ATP8A2: variants seen among roughly 807,000 people sequenced by gnomAD.
ATP8A2 encodes phospholipid-transporting ATPase IB.
ATP8A2 carries 100 observed loss-of-function variants against 165.6 expected under a neutral mutation model. The ratio of observed to expected loss-of-function variants is 0.60; its 90% CI spans 0.51 to 0.71. ATP8A2 has a LOEUF of 0.71. Ranked by LOEUF, ATP8A2 falls within the 30% of genes least tolerant of loss-of-function variation. The pLI, the probability that ATP8A2 is intolerant of heterozygous loss-of-function variation, is 0.00. For missense variants in ATP8A2, 1,227 were observed against 1,479.5 expected (o/e 0.83, Z 2.80); for synonymous variants, 543 against 548.8 (o/e 0.99, Z 0.15).
chr13:25,628,422 C>T lies in ATP8A2; in HGVS notation c.2211+38723C>T, dbSNP rs139098044. 2.9e-4 allele frequency among the ~76,000 whole-genome samples: 44 copies of T among 152,308 alleles called. No individual in the cohort carries two copies. The East Asian group carries it at 6.0e-3, about 21-fold the overall frequency. ...TGAGCTTCTCTTTCTGTAGTCCACA[C>T]CTGTAAATGCACTTACGTTTTCATA... On this transcript the variant is annotated intron_variant, in intron 24 of 36. Coordinates refer to ENST00000381655, the MANE Select transcript of ATP8A2 (RefSeq NM_016529.6).
intron 33 of ATP8A2, among the ~76,000 whole-genome samples, chr13:25,930,451 C>T (rs1954739607): frequency 6.8e-6 from 1 of 146,098 alleles, no homozygotes; most frequent in African/African-American, 2.5e-5. Flanking sequence ...CCTCTGTGTG[C>T]AGCTCCCCAA....
At chr13:25,656,448 G>C (rs1349503021) in intron 24 of ATP8A2, among the ~76,000 whole-genome samples, 1 of 151,736 alleles carries the variant, frequency 6.6e-6, no homozygotes, top group African/African-American at 2.4e-5. Context: ...GCTAATTTTT[G>C]TATTTTTAAT....
At chr13:25,699,113 A>G (rs2042895528) in intron 24 of ATP8A2, 60 bp from the exon 25 acceptor site, 4 of 1,308,742 alleles carry the variant, frequency 3.1e-6, no homozygotes, top group Non-Finnish European at 4.1e-6. Flanking sequence ...TTTGAATTCT[A>G]TTTTGTTTTT....
chr13:25,530,713 T>C, intron 4 of ATP8A2, 53 bp downstream of exon 4: 1 of 1,100,774 alleles, frequency 9.1e-7, no homozygotes, highest in African/African-American at 1.6e-5. Flanking sequence ...GATAATAACT[T>C]ATGTGTTGCC....
chr13:25,409,402 A>G (rs2033901994), intron 1 of ATP8A2, among the ~76,000 whole-genome samples: 1 of 152,250 alleles, frequency 6.6e-6, no homozygotes. Context: ...CTAAGATGTA[A>G]TATTCCAAAT....
intron 16 of ATP8A2, among the ~76,000 whole-genome samples, chr13:25,564,339 C>T (rs1321788451): frequency 6.6e-6 from 1 of 152,184 alleles, no homozygotes; most frequent in African/African-American, 2.4e-5. Flanking sequence ...ACTATTTTGT[C>T]ACAGTTGTGA....
At chr13:25,500,111 G>T (rs1156610178) in intron 2 of ATP8A2, among the ~76,000 whole-genome samples, 1 of 152,104 alleles carries the variant, frequency 6.6e-6, no homozygotes, top group Non-Finnish European at 1.5e-5. Context: ...AGTTATCAAA[G>T]TGCCCTCCAT....
At position 25,837,226 on chromosome 13, in the gene ATP8A2, A is replaced by G. The variant is rs371095109; in HGVS notation, c.2818A>G (p.Met940Val). ...IFERSCTQES[M>V]LRFPQLYKIT... The stretch of plus-strand genomic sequence containing the variant: ...TGAGAGGTCTTGCACTCAGGAGAGC[A>G]TGCTCAGGTTTCCCCAGCTCTACAA... The change falls in exon 29 of 37, where the codon ATG becomes GTG. Residue 940 changes from methionine (M) to valine (V), a missense_variant. Transcript: ENST00000381655. The G allele has an allele frequency of 4.0e-5, 65 of 1,613,992 alleles. No homozygotes were observed. The highest frequency in any genetic ancestry group is 5.3e-5 in the Non-Finnish European group (62 of 1,179,992).
At chr13:25,500,834 C>G (rs1389781903) in intron 2 of ATP8A2, among the ~76,000 whole-genome samples, 1 of 152,160 alleles carries the variant, frequency 6.6e-6, no homozygotes, top group Non-Finnish European at 1.5e-5. Context: ...GCCCTAGCCT[C>G]TCAAAGTGCT....
chr13:25,724,937 T>C (rs546664975), intron 25 of ATP8A2, among the ~76,000 whole-genome samples: 23 of 152,286 alleles, frequency 1.5e-4, no homozygotes, highest in African/African-American at 5.5e-4. Flanking sequence ...AAAAGAGTTA[T>C]CAGAGTAAAC....
chr13:25,868,962 G>T (rs532722018), intron 33 of ATP8A2, among the ~76,000 whole-genome samples: 1 of 151,150 alleles, frequency 6.6e-6, no homozygotes, highest in Admixed American at 6.6e-5. Flanking sequence ...CCAGCTACTC[G>T]GAAGGCTGAG....
chr13:25,868,554 A>G (rs780147355), intron 33 of ATP8A2, among the ~76,000 whole-genome samples: 1 of 151,922 alleles, frequency 6.6e-6, no homozygotes, highest in Non-Finnish European at 1.5e-5. Context: ...TGGCTTTTCA[A>G]CTCATACATT....
intron 24 of ATP8A2, among the ~76,000 whole-genome samples, chr13:25,623,834 A>G (rs1182873665): frequency 6.6e-6 from 1 of 152,080 alleles, no homozygotes; most frequent in East Asian, 1.9e-4. Flanking sequence ...TAAATTATGC[A>G]TAGATTATAA....
chr13:25,949,006 G>T (rs1200260245), intron 33 of ATP8A2, among the ~76,000 whole-genome samples: 2 of 152,184 alleles, frequency 1.3e-5, no homozygotes, highest in Non-Finnish European at 2.9e-5. Context: ...CCTTTCAGAG[G>T]CCCTTCCTCA....
At chr13:25,637,981 A>G (rs2041415602) in intron 24 of ATP8A2, among the ~76,000 whole-genome samples, 2 of 152,196 alleles carry the variant, frequency 1.3e-5, no homozygotes, top group Admixed American at 6.5e-5. Context: ...TCTGCTGCCA[A>G]TACCCAGGCA....
At chr13:25,747,506 T>G (rs2044058945) in intron 25 of ATP8A2, among the ~76,000 whole-genome samples, 1 of 152,190 alleles carries the variant, frequency 6.6e-6, no homozygotes, top group Non-Finnish European at 1.5e-5. Context: ...TCCACATACC[T>G]GATAACTCTT....
intron 27 of ATP8A2, among the ~76,000 whole-genome samples, chr13:25,802,276 C>A (rs1283125493): frequency 6.6e-6 from 1 of 152,074 alleles, no homozygotes; most frequent in Non-Finnish European, 1.5e-5. Context: ...GTGATTGAGG[C>A]TCAGTTTCTA....
chr13:25,717,282 A>G (rs3132350), intron 25 of ATP8A2, among the ~76,000 whole-genome samples: 36,797 of 151,996 alleles, frequency 0.24, 6,693 homozygotes, highest in African/African-American at 0.51. Context: ...AGGTAATAGT[A>G]AGGAAGAAGG....
chr13:25,651,163 G>A (rs905995642), intron 24 of ATP8A2, among the ~76,000 whole-genome samples: 6 of 151,926 alleles, frequency 3.9e-5, no homozygotes, highest in African/African-American at 4.8e-5. Context: ...AAGATTATTC[G>A]GCCAGGCGTG....
Sources: allele counts gnomAD v4.1 joint callset (sites outside exome capture counted in the v4.1 genomes callset), GRCh38; gene constraint gnomAD v4.1.1; transcripts MANE v1.5; gene names NCBI Gene and HGNC (gene_info 2026-07-23, HGNC 2026-07-21).